NHSL2: variants seen among roughly 807,000 people sequenced by gnomAD.
NHSL2 encodes NHS like 2, also known as NHS-like protein 2.
A neutral mutation model predicts 53.4 loss-of-function variants in NHSL2; 27 were observed. The ratio of observed to expected loss-of-function variants is 0.51; its 90% confidence interval spans 0.37 to 0.70. The LOEUF is 0.70. NHSL2 is among the 30% of genes least tolerant of loss of function. NHSL2 has a pLI of 0.00. For missense variants in NHSL2, 892 were observed against 980.1 expected (o/e 0.91, Z 1.20); for synonymous variants, 408 against 404.1 (o/e 1.01, Z -0.12).
At chrX:71,980,949 TA>T (rs2041975656) in intron 1 of NHSL2, among the ~76,000 whole-genome samples, 1 of 111,769 alleles carries the variant, frequency 8.9e-6, no homozygotes, top group African/African-American at 3.3e-5. Context: ...CCCTTGAAAT[TA>T]AAAAGGAGAA....
intron 1 of NHSL2, among the ~76,000 whole-genome samples, chrX:72,074,606 G>A (rs1192576734): frequency 8.9e-6 from 1 of 112,293 alleles, no homozygotes; most frequent in African/African-American, 3.2e-5. Context: ...CAAAAAGTAG[G>A]TGTAAAAAGA....
At chrX:72,060,429 C>T (rs1007619183) in intron 1 of NHSL2, among the ~76,000 whole-genome samples, 1 of 112,689 alleles carries the variant, frequency 8.9e-6, no homozygotes, top group Non-Finnish European at 1.9e-5. Context: ...GTGCAACCCT[C>T]AGCAAGTTAC....
At chrX:71,928,842 C>T (rs2041699171) in intron 1 of NHSL2, among the ~76,000 whole-genome samples, 2 of 111,791 alleles carry the variant, frequency 1.8e-5, no homozygotes, top group African/African-American at 3.3e-5. Context: ...AGCAAGCCAG[C>T]AGCAAACTAT....
chrX:71,980,627 A>G (rs770732922), intron 1 of NHSL2, among the ~76,000 whole-genome samples: 1 of 108,028 alleles, frequency 9.3e-6, no homozygotes, highest in Non-Finnish European at 1.9e-5. Context: ...ACATATGTGC[A>G]TAAGGATAAG....
intron 1 of NHSL2, among the ~76,000 whole-genome samples, chrX:72,020,179 C>A (rs779856170): frequency 3.3e-4 from 37 of 112,697 alleles, no homozygotes; most frequent in African/African-American, 1.2e-3. Context: ...AACATAAAAA[C>A]TCTCCGTAAT....
At chrX:72,015,578 A>G (rs1245628903) in intron 1 of NHSL2, among the ~76,000 whole-genome samples, 2 of 112,171 alleles carry the variant, frequency 1.8e-5, no homozygotes, top group Admixed American at 9.4e-5. Flanking sequence ...GTGTTGTCCA[A>G]TTTCTACCCA....
intron 1 of NHSL2, among the ~76,000 whole-genome samples, chrX:71,973,677 A>T (rs752213280): frequency 9.0e-6 from 1 of 111,354 alleles, no homozygotes; most frequent in South Asian, 3.8e-4. Context: ...CTCTCCCAGT[A>T]TGGAGCTTGC....
chrX:71,931,498 T>G (rs1180962984), intron 1 of NHSL2, among the ~76,000 whole-genome samples: 1 of 112,687 alleles, frequency 8.9e-6, no homozygotes, highest in East Asian at 2.8e-4. Context: ...GTTTTAGCTC[T>G]TATATTTTGG....
Position 72,072,807 on chromosome X carries a change from T to G in NHSL2, c.281-59272T>G, listed in dbSNP as rs1036358029. On this transcript the variant is annotated intron_variant, in intron 1 of 7. Coordinates refer to ENST00000633930, the MANE Select transcript of NHSL2 (RefSeq NM_001013627.3). ...TATCATTTTTATACTTGTTATTGCA[T>G]GTTTATCTCCTCCTAGTAAAATGTA... Among the ~76,000 whole-genome samples the G allele has an allele frequency of 4.4e-5, 5 of 112,397 alleles. No homozygotes were observed. The South Asian group carries it at 1.8e-3, about 41-fold the overall frequency.
intron 1 of NHSL2, among the ~76,000 whole-genome samples, chrX:72,046,086 C>T (rs974008673): frequency 3.6e-5 from 4 of 112,282 alleles, no homozygotes; most frequent in African/African-American, 9.7e-5. Flanking sequence ...GGGGCTCACC[C>T]GCATTGGTCC....
chrX:71,963,348 A>G (rs993371829), intron 1 of NHSL2, among the ~76,000 whole-genome samples: 1 of 111,549 alleles, frequency 9.0e-6, no homozygotes, highest in Non-Finnish European at 1.9e-5. Context: ...AATGCAAGGA[A>G]AGCATAAAGG....
At chrX:72,054,032 A>G (rs2042354619) in intron 1 of NHSL2, among the ~76,000 whole-genome samples, 1 of 111,119 alleles carries the variant, frequency 9.0e-6, no homozygotes, top group African/African-American at 3.3e-5. Flanking sequence ...GGACTTGGCC[A>G]TCATGAAGAG....
Position 72,140,744 on chromosome X carries a change from G to C in NHSL2, c.3196G>C (p.Asp1066His), listed in dbSNP as rs773128294. Residue 1066 changes from aspartate (D) to histidine (H), a missense_variant, in exon 6 of 8, where the codon GAC becomes CAC. Asp to His is a moderately conservative substitution (Grantham distance 81). Transcript: ENST00000633930. ...AAGGGTGACTTCAACTCCTCAGGCT[G>C]ACAGTGAAAGGGAGGCAAGCCCTCT... ...GQRVTSTPQADSEREASPLGS... is the reference protein window; with the variant it reads ...GQRVTSTPQAHSEREASPLGS... The C allele has an allele frequency of 4.2e-6, 5 of 1,187,126 alleles. No individual in the cohort carries two copies. In the South Asian group the frequency reaches 9.5e-5, roughly 22 times the overall value.
chrX:72,044,529 G>A, intron 1 of NHSL2: 2 of 621,044 alleles, frequency 3.2e-6, no homozygotes, highest in Middle Eastern at 4.1e-4. Flanking sequence ...CGCTCTCTCC[G>A]GTCCATGCCT....
At chrX:71,926,040 A>G (rs1002979816) in intron 1 of NHSL2, among the ~76,000 whole-genome samples, 1 of 111,930 alleles carries the variant, frequency 8.9e-6, no homozygotes. Flanking sequence ...AACATATCCA[A>G]TGAGATTAAA....
intron 1 of NHSL2, among the ~76,000 whole-genome samples, chrX:71,919,119 T>C (rs2147811164): frequency 8.9e-6 from 1 of 112,325 alleles, no homozygotes; most frequent in South Asian, 3.8e-4. Flanking sequence ...ATTTTCCTTC[T>C]ACCATTCTGT....
At chrX:72,024,072 G>A (rs1007619345) in intron 1 of NHSL2, among the ~76,000 whole-genome samples, 1 of 111,729 alleles carries the variant, frequency 9.0e-6, no homozygotes, top group African/African-American at 3.3e-5. Flanking sequence ...TGACCTTAGG[G>A]TCTCTTTCTG....
At chrX:72,085,529 C>T (rs2041831434) in intron 1 of NHSL2, among the ~76,000 whole-genome samples, 1 of 111,172 alleles carries the variant, frequency 9.0e-6, no homozygotes, top group Non-Finnish European at 1.9e-5. Context: ...CTTGAGAAAA[C>T]TGGGATCAAA....
intron 1 of NHSL2, among the ~76,000 whole-genome samples, chrX:72,055,054 G>T (rs954327475): frequency 9.0e-6 from 1 of 111,693 alleles, no homozygotes; most frequent in Non-Finnish European, 1.9e-5. Context: ...CAAGCGGGGA[G>T]AGAAAGAGAA....
Sources: allele counts gnomAD v4.1 joint callset (sites outside exome capture counted in the v4.1 genomes callset), GRCh38; gene constraint gnomAD v4.1.1; transcripts MANE v1.5; gene names NCBI Gene and HGNC (gene_info 2026-07-23, HGNC 2026-07-21).